Variants in IBTK observed in about 807,000 individuals in gnomAD.
The protein encoded by IBTK is BTK-binding protein.
IBTK carries 83 observed loss-of-function variants against 154.9 expected under a neutral mutation model. That is an observed-to-expected ratio of 0.54 (90% CI 0.45 to 0.64). IBTK has a LOEUF of 0.64. IBTK is among the 30% of genes least tolerant of loss of function. The pLI is 0.00. For synonymous variants in IBTK, 515 were observed against 536.1 expected (o/e 0.96, Z 0.54); for missense variants, 1,332 against 1,584.6 (o/e 0.84, Z 2.71).
chr6:82,191,348 T>C lies in IBTK; in HGVS notation c.3432-132A>G, dbSNP rs930040481. 1.9e-5 allele frequency: 13 copies of C among 699,338 alleles called. No individual in the cohort carries two copies. The African/African-American group carries it at 2.4e-4, about 13-fold the overall frequency. The allele number at this position is 699,338 out of a possible 1,614,324, so 43.3% of individuals were successfully genotyped here. On this transcript the variant is annotated intron_variant, in intron 24 of 28. Coordinates refer to ENST00000306270, the MANE Select transcript of IBTK (RefSeq NM_015525.4). The stretch of plus-strand genomic sequence containing the variant: ...TAAAGGTTACTGGTAATAATAATGT[T>C]TTCTATTTATTTCATGTTATTTTAC...
intron 22 of IBTK, 63 bp from the exon 23 acceptor site, chr6:82,194,705 T>A (rs531814084): frequency 1.9e-6 from 2 of 1,077,592 alleles, no homozygotes; most frequent in Admixed American, 6.1e-5. Flanking sequence ...AACACATAGC[T>A]GGTACTTAAT....
chr6:82,243,616 T>C (rs1346135167), intron 1 of IBTK, among the ~76,000 whole-genome samples: 1 of 152,154 alleles, frequency 6.6e-6, no homozygotes, highest in Non-Finnish European at 1.5e-5. Context: ...ATAGCATATA[T>C]AGGGTTCAGT....
At chr6:82,174,717 T>C (rs1289430409) in intron 26 of IBTK, among the ~76,000 whole-genome samples, 1 of 152,170 alleles carries the variant, frequency 6.6e-6, no homozygotes, top group Non-Finnish European at 1.5e-5. Context: ...TATTATCCCA[T>C]TTAATCTTTG....
intron 3 of IBTK, among the ~76,000 whole-genome samples, chr6:82,232,458 A>G (rs1425312267): frequency 2.6e-5 from 4 of 152,228 alleles, no homozygotes; most frequent in Non-Finnish European, 5.9e-5. Flanking sequence ...AATACAAATC[A>G]CAGCTAAGTT....
rs753270442 is a variant in IBTK, at chr6:82,196,422, T to C, written c.3050A>G (p.Asn1017Ser). The stretch of plus-strand genomic sequence containing the variant: ...CAGTTCTGGAAGAGATTCCACAGAA[T>C]TGGTCTTACCAGACTTTAATAATCC... Reference protein sequence around the residue: ...STGLLKSGKTNSVESLPELLT... With the variant: ...STGLLKSGKTSSVESLPELLT... Residue 1017 changes from asparagine (N) to serine (S), a missense_variant, in exon 22 of 29, where the codon AAT (asparagine) becomes AGT (serine). Transcript: ENST00000306270. The C allele has an allele frequency of 2.5e-6, 4 of 1,610,274 alleles. No homozygotes were observed. Among genetic ancestry groups the C allele is most frequent in the South Asian group, 2.2e-5 (2 of 90,128 alleles).
chr6:82,210,547 C>G, intron 16 of IBTK: 1 of 162,964 alleles, frequency 6.1e-6, no homozygotes, highest in Non-Finnish European at 1.3e-5. Context: ...CTTTATTGGC[C>G]AGGCATAGTG....
chr6:82,214,940 T>A, intron 11 of IBTK, 111 bp from the exon 12 acceptor site: 1 of 1,176,150 alleles, frequency 8.5e-7, no homozygotes, highest in Non-Finnish European at 1.2e-6. Context: ...ATTTAGAAAA[T>A]TTTAAATTTG....
Position 82,169,990 on chromosome 6 carries a change from C to T in IBTK, c.*1435G>A, listed in dbSNP as rs547390906. 1 of 152,312 alleles carries T rather than the reference C, an allele frequency of 6.6e-6. No individual in the cohort carries two copies. The highest frequency in any genetic ancestry group is 2.1e-4 in the South Asian group (1 of 4,824). 9.4% of individuals were successfully genotyped at this position (152,312 alleles called of 1,614,324 possible). A position where few individuals can be genotyped will look rare whatever the true frequency, so the allele number is the denominator to read the frequency against. ...TCAAAGCTTCAAATGAAATCAATTA[C>T]TTCAAAAGGCTTCTTTACTGCAACA... On this transcript the variant is annotated 3_prime_UTR_variant, in exon 29 of 29. Transcript: ENST00000306270.
At position 82,214,365 on chromosome 6, in the gene IBTK, T is replaced by A; in HGVS notation, c.2066A>T (p.Asn689Ile). ...QKSAFEVYKS[N>I]QAQTVSERQK... ...CCTCTCACTAACTGTTTGAGCTTGATTACTTTTGTAAACTTCAAATGCAGA... is the reference window on the plus strand; with the variant it reads ...CCTCTCACTAACTGTTTGAGCTTGAATACTTTTGTAAACTTCAAATGCAGA... The change falls in exon 12 of 29, where the codon AAT (asparagine) becomes ATT (isoleucine). Residue 689 changes from asparagine (N) to isoleucine (I), a missense_variant. Physicochemically the swap from Asn to Ile is moderately radical, Grantham distance 149. Around this residue, in one of 3 missense-constraint regions of IBTK, gnomAD observed 1,134 missense variants for 1,274.7 expected, o/e 0.89. Transcript: ENST00000306270. 1.2e-6 allele frequency: 2 copies of A among 1,614,110 alleles called. No homozygotes were observed. The highest frequency in any genetic ancestry group is 1.7e-6 in the Non-Finnish European group (2 of 1,179,992).
Position 82,204,404 on chromosome 6 carries a change from G to A in IBTK, c.2611+453C>T, listed in dbSNP as rs921022834. ...ATGAAATTAACTAAGATAATGAAGA[G>A]AGCAAGAAAGAAGAGTTCAAGAAAA... is the stretch of plus-strand genomic sequence containing the variant. On this transcript the variant is annotated intron_variant, in intron 17 of 28. Transcript: ENST00000306270. Among the ~76,000 whole-genome samples the A allele has an allele frequency of 1.8e-4, 27 of 152,190 alleles. 1 individual carries two copies. Among genetic ancestry groups the A allele is most frequent in the Admixed American group, 1.8e-3 (27 of 15,286 alleles).
intron 7 of IBTK, among the ~76,000 whole-genome samples, chr6:82,223,844 G>C (rs555805493): frequency 2.0e-5 from 3 of 152,202 alleles, no homozygotes; most frequent in Admixed American, 6.5e-5. Flanking sequence ...CAGCTATTCG[G>C]GGGGCTGAGA....
Position 82,201,494 on chromosome 6 carries a change from G to T in IBTK, c.2730-12C>A. The T allele has an allele frequency of 6.4e-7, 1 of 1,573,720 alleles. No homozygotes were observed. On this transcript the variant is annotated splice_polypyrimidine_tract_variant and intron_variant, in intron 18 of 28. Coordinates refer to ENST00000306270, the MANE Select transcript of IBTK (RefSeq NM_015525.4). Reference sequence around the variant, plus strand: ...AAACATCAAGAGACCTAAAATATAGGATACAAAATTCTATCTTAAGATTCA... The same window carrying T: ...AAACATCAAGAGACCTAAAATATAGTATACAAAATTCTATCTTAAGATTCA...
chr6:82,236,798 C>G (rs369395565), intron 2 of IBTK, among the ~76,000 whole-genome samples: 1 of 152,176 alleles, frequency 6.6e-6, no homozygotes, highest in African/African-American at 2.4e-5. Context: ...ACACCTATCA[C>G]TGCACCCCTT....
chr6:82,241,525 C>T (rs982578474), intron 1 of IBTK, among the ~76,000 whole-genome samples: 10 of 151,978 alleles, frequency 6.6e-5, no homozygotes, highest in Non-Finnish European at 1.2e-4. Context: ...ACTTTAGATA[C>T]GGTACTTACT....
intron 28 of IBTK, among the ~76,000 whole-genome samples, chr6:82,172,047 T>G (rs528857997): frequency 2.6e-5 from 4 of 152,178 alleles, no homozygotes; most frequent in African/African-American, 9.7e-5. Flanking sequence ...GCTTACAATC[T>G]TAGAATTCTT....
intron 25 of IBTK, among the ~76,000 whole-genome samples, chr6:82,185,216 C>T (rs1304302094): frequency 7.0e-6 from 1 of 142,160 alleles, no homozygotes; most frequent in Non-Finnish European, 1.5e-5. Context: ...ACAGATAAAT[C>T]ATCACAGTCA....
chr6:82,173,325 C>A (rs368902079), intron 27 of IBTK, 42 bp downstream of exon 27: 24 of 1,414,856 alleles, frequency 1.7e-5, no homozygotes, highest in Non-Finnish European at 2.3e-5. Flanking sequence ...TGCTAAGCAG[C>A]AACTTAGCTT....
Position 82,194,552 on chromosome 6 carries a change from A to G in IBTK, c.3265T>C (p.Ser1089Pro). ...TTACTGGGAATAGGCTGTGGAGCAG[A>G]TATTTTAAGTATTGGTGACTTTTCC... Reference protein sequence around the residue: ...PWEKSPILKISAPQPIPSNRI... With the variant: ...PWEKSPILKIPAPQPIPSNRI... Residue 1089 changes from serine to proline, a missense_variant, in exon 23 of 29, where the codon TCT (serine) becomes CCT (proline). Ser to Pro is a moderately conservative substitution (Grantham distance 74, BLOSUM62 -1). Around this residue, in one of 3 missense-constraint regions of IBTK, gnomAD observed 1,134 missense variants for 1,274.7 expected, o/e 0.89. Transcript: ENST00000306270. 1 of 1,611,912 alleles carries G rather than the reference A, an allele frequency of 6.2e-7. No homozygotes were observed. Among genetic ancestry groups the G allele is most frequent in the Non-Finnish European group, 8.5e-7 (1 of 1,178,784 alleles).
At chr6:82,208,039 TA>T (rs920260812) in intron 16 of IBTK, among the ~76,000 whole-genome samples, 56 of 151,320 alleles carry the variant, frequency 3.7e-4, no homozygotes, top group African/African-American at 1.3e-3. Flanking sequence ...AGAGACCTTA[TA>T]TACAGCATGG....
Sources: gnomAD v4.1 joint callset for allele counts (sites outside exome capture counted in the v4.1 genomes callset) on GRCh38, gnomAD v4.1.1 for gene constraint, gnomAD v4.1.1 regional missense constraint, MANE v1.5 for transcripts, NCBI Gene and HGNC (gene_info 2026-07-23, HGNC 2026-07-21) for gene names.